The following KIAA0825 variants were observed in gnomAD, a reference collection of about 807,000 sequenced individuals.
The protein encoded by KIAA0825 is uncharacterized protein KIAA0825.
KIAA0825 carries 119 observed loss-of-function variants against 147.6 expected under a neutral mutation model. The observed-to-expected ratio is 0.81, with a 90% CI of 0.69 to 0.94. KIAA0825 has a LOEUF of 0.94. KIAA0825 is among the 40% of genes least tolerant of loss of function. KIAA0825 has a pLI of 0.00. For synonymous variants in KIAA0825, 470 were observed against 518.1 expected, an observed-to-expected ratio of 0.91 and a Z score of 1.26; for missense variants, 1,381 against 1,472.7, an observed-to-expected ratio of 0.94 and a Z score of 1.02.
At chr5:94,610,427 A>T (rs1788485971) in intron 1 of KIAA0825, among the ~76,000 whole-genome samples, 1 of 128,274 alleles carries the variant, frequency 7.8e-6, no homozygotes, top group Non-Finnish European at 1.6e-5. Flanking sequence ...AGACTGTCTC[A>T]AAAAAAAAAA....
chr5:94,428,478 A>T (rs1254939089), intron 14 of KIAA0825, among the ~76,000 whole-genome samples: 1 of 152,116 alleles, frequency 6.6e-6, no homozygotes, highest in Non-Finnish European at 1.5e-5. Context: ...TTGTCTGGGA[A>T]AGATTTTATT....
At chr5:94,487,485 C>T (rs1397144368) in intron 5 of KIAA0825, among the ~76,000 whole-genome samples, 1 of 152,152 alleles carries the variant, frequency 6.6e-6, no homozygotes, top group African/African-American at 2.4e-5. Context: ...ACTTATTTGA[C>T]TTATTTTACC....
intron 12 of KIAA0825, among the ~76,000 whole-genome samples, chr5:94,453,407 G>A (rs1161716911): frequency 6.2e-5 from 9 of 145,800 alleles, no homozygotes; most frequent in South Asian, 2.2e-4. Context: ...GGCTGGTCTC[G>A]AACCCCTGAA....
chr5:94,228,098 G>T (rs1430814036), intron 20 of KIAA0825, among the ~76,000 whole-genome samples: 2 of 152,114 alleles, frequency 1.3e-5, no homozygotes, highest in Non-Finnish European at 2.9e-5. Context: ...TTTCTGATTT[G>T]AGGAATATGT....
chr5:94,226,751 C>T (rs1267727589), intron 20 of KIAA0825, among the ~76,000 whole-genome samples: 2 of 152,004 alleles, frequency 1.3e-5, no homozygotes, highest in African/African-American at 4.8e-5. Flanking sequence ...TGAACAGACA[C>T]TTCTCAAAAG....
chr5:94,376,138 A>G (rs1442169843), intron 20 of KIAA0825, among the ~76,000 whole-genome samples: 1 of 152,180 alleles, frequency 6.6e-6, no homozygotes, highest in Admixed American at 6.5e-5. Flanking sequence ...GTGTATATAA[A>G]TCACCTAAAT....
chr5:94,588,646 T>C (rs896006665), intron 1 of KIAA0825, among the ~76,000 whole-genome samples: 1 of 152,200 alleles, frequency 6.6e-6, no homozygotes, highest in African/African-American at 2.4e-5. Flanking sequence ...CTCAAGGATC[T>C]AGAACTAGAA....
At chr5:94,218,242 C>T (rs1050863186) in intron 20 of KIAA0825, among the ~76,000 whole-genome samples, 2 of 152,130 alleles carry the variant, frequency 1.3e-5, no homozygotes, top group South Asian at 2.1e-4. Context: ...TATAGTTTCC[C>T]GAGCTCAAAT....
At chr5:94,420,299 C>A (rs898364809) in intron 14 of KIAA0825, among the ~76,000 whole-genome samples, 1 of 152,086 alleles carries the variant, frequency 6.6e-6, no homozygotes, top group Non-Finnish European at 1.5e-5. Context: ...CTAATTTTCC[C>A]AGTTTTACAG....
chr5:94,393,912 A>G (rs1043759296), intron 17 of KIAA0825, among the ~76,000 whole-genome samples: 3 of 151,038 alleles, frequency 2.0e-5, no homozygotes, highest in African/African-American at 7.3e-5. Flanking sequence ...GCAATGGCGC[A>G]ATCTCGGCTC....
At chr5:94,405,834 C>T (rs1751982802) in intron 15 of KIAA0825, among the ~76,000 whole-genome samples, 1 of 152,120 alleles carries the variant, frequency 6.6e-6, no homozygotes, top group Non-Finnish European at 1.5e-5. Flanking sequence ...CATGCCATAC[C>T]CATCCACTCC....
intron 18 of KIAA0825, among the ~76,000 whole-genome samples, chr5:94,387,813 G>A (rs1331978671): frequency 2.6e-5 from 4 of 152,154 alleles, no homozygotes; most frequent in Non-Finnish European, 5.9e-5. Context: ...GATCACACAG[G>A]TGTGAGAGGT....
chr5:94,271,256 A>G (rs1776968760), intron 20 of KIAA0825, among the ~76,000 whole-genome samples: 1 of 152,138 alleles, frequency 6.6e-6, no homozygotes, highest in Non-Finnish European at 1.5e-5. Context: ...CAAAGAAAAA[A>G]TGGACAAATG....
At chr5:94,563,606 T>A (rs1777988051) in intron 2 of KIAA0825, among the ~76,000 whole-genome samples, 1 of 152,232 alleles carries the variant, frequency 6.6e-6, no homozygotes, top group Non-Finnish European at 1.5e-5. Flanking sequence ...GACAATTGTA[T>A]CTTTGAAGTT....
At chr5:94,443,248 A>G (rs1277210188) in intron 13 of KIAA0825, among the ~76,000 whole-genome samples, 1 of 152,074 alleles carries the variant, frequency 6.6e-6, no homozygotes, top group East Asian at 1.9e-4. Context: ...TGTTGGGCAT[A>G]TGGAGAAGCA....
intron 1 of KIAA0825, among the ~76,000 whole-genome samples, chr5:94,585,626 A>G (rs1783115696): frequency 6.6e-6 from 1 of 152,178 alleles, no homozygotes; most frequent in Non-Finnish European, 1.5e-5. Context: ...TATTAGACAG[A>G]TCAACGAGAT....
At chr5:94,443,436 GA>G (rs542926925) in intron 13 of KIAA0825, among the ~76,000 whole-genome samples, 137 of 151,864 alleles carry the variant, frequency 9.0e-4, no homozygotes, top group Middle Eastern at 3.4e-3. Flanking sequence ...TACAAAGGGG[GA>G]AAATGTTATA....
At chr5:94,590,302 G>A (rs1784118487) in intron 1 of KIAA0825, among the ~76,000 whole-genome samples, 1 of 152,038 alleles carries the variant, frequency 6.6e-6, no homozygotes, top group South Asian at 2.1e-4. Context: ...GCCTCCAATG[G>A]TTTCTTATAC....
chr5:94,174,948 A>C (rs892815396), intron 20 of KIAA0825, among the ~76,000 whole-genome samples: 3 of 152,106 alleles, frequency 2.0e-5, no homozygotes, highest in African/African-American at 7.2e-5. Flanking sequence ...TCATTACCAT[A>C]TTGTGGATGA....
Sources: allele counts gnomAD v4.1 joint callset (sites outside exome capture counted in the v4.1 genomes callset), GRCh38; gene constraint gnomAD v4.1.1; transcripts MANE v1.5; gene names NCBI Gene and HGNC (gene_info 2026-07-23, HGNC 2026-07-21).